CNTN5: variants seen among roughly 807,000 people sequenced by gnomAD.
The protein encoded by CNTN5 is contactin 5.
A neutral mutation model predicts 129.1 loss-of-function variants in CNTN5; 77 were observed. The observed-to-expected ratio is 0.60, with a 90% CI of 0.50 to 0.72. The LOEUF is 0.72. Among genes scored for constraint, CNTN5 ranks in the 30% least tolerant of loss-of-function variants. The pLI is 0.00. For missense variants in CNTN5, 1,478 were observed against 1,328.8 expected (o/e 1.11, Z -1.75); for synonymous variants, 509 against 465.6 (o/e 1.09, Z -1.20).
chr11:99,827,071 T>TTTTTG (rs1264231871), intron 4 of CNTN5, among the ~76,000 whole-genome samples: 1 of 152,112 alleles, frequency 6.6e-6, no homozygotes, highest in Non-Finnish European at 1.5e-5. Context: ...GGTTTTTTGC[T>TTTTTG]TTTTGTTTTG....
chr11:99,542,046 G>A (rs1948135700), intron 2 of CNTN5, among the ~76,000 whole-genome samples: 1 of 149,314 alleles, frequency 6.7e-6, no homozygotes, highest in East Asian at 2.0e-4. Context: ...TTATCTCTTT[G>A]TTTTTAATTG....
chr11:99,916,358 C>T (rs779276742), intron 7 of CNTN5, among the ~76,000 whole-genome samples: 3 of 152,024 alleles, frequency 2.0e-5, no homozygotes, highest in Non-Finnish European at 4.4e-5. Flanking sequence ...TGTTTTATTG[C>T]CATTCTAACT....
At chr11:99,347,645 G>C in intron 2 of CNTN5, among the ~76,000 whole-genome samples, 1 of 152,172 alleles carries the variant, frequency 6.6e-6, no homozygotes, top group East Asian at 1.9e-4. Flanking sequence ...GGGAGGTTAA[G>C]AATATGTGTA....
chr11:99,862,239 G>A (rs995299506), intron 6 of CNTN5, among the ~76,000 whole-genome samples: 1 of 152,038 alleles, frequency 6.6e-6, no homozygotes, highest in African/African-American at 2.4e-5. Flanking sequence ...CTAGCTAAGG[G>A]CAAATAAAAT....
intron 2 of CNTN5, among the ~76,000 whole-genome samples, chr11:99,402,664 ATGTT>A (rs1407717852): frequency 6.6e-6 from 1 of 152,118 alleles, no homozygotes; most frequent in African/African-American, 2.4e-5. Context: ...AGTTCTTTAA[ATGTT>A]TGGTAGAATT....
intron 3 of CNTN5, among the ~76,000 whole-genome samples, chr11:99,787,025 G>A (rs532789660): frequency 6.6e-6 from 1 of 152,024 alleles, no homozygotes; most frequent in East Asian, 1.9e-4. Flanking sequence ...TTATTGGCAA[G>A]TATGTTCGGA....
At chr11:100,273,145 G>A (rs1950437809) in intron 18 of CNTN5, among the ~76,000 whole-genome samples, 1 of 152,048 alleles carries the variant, frequency 6.6e-6, no homozygotes, top group Non-Finnish European at 1.5e-5. Context: ...CTGCTTGCAG[G>A]GCGCCCTCGG....
At chr11:100,132,191 A>G (rs556821668) in intron 13 of CNTN5, among the ~76,000 whole-genome samples, 3 of 152,246 alleles carry the variant, frequency 2.0e-5, no homozygotes, top group African/African-American at 7.2e-5. Context: ...GAACTCTTTG[A>G]GGGCCAAGGT....
At chr11:99,409,609 AGTG>A (rs1942297595) in intron 2 of CNTN5, among the ~76,000 whole-genome samples, 1 of 152,238 alleles carries the variant, frequency 6.6e-6, no homozygotes, top group Admixed American at 6.5e-5. Context: ...TTTGTTGAGA[AGTG>A]GTGATGATGA....
intron 2 of CNTN5, among the ~76,000 whole-genome samples, chr11:99,338,984 T>TAC (rs1316682623): frequency 3.7e-5 from 5 of 134,228 alleles, no homozygotes; most frequent in Admixed American, 7.4e-5. Context: ...TGTGTGTGTA[T>TAC]ATATATATAT....
intron 17 of CNTN5, among the ~76,000 whole-genome samples, chr11:100,270,860 T>C (rs946335862): frequency 6.6e-6 from 1 of 152,182 alleles, no homozygotes; most frequent in African/African-American, 2.4e-5. Flanking sequence ...TGTGTAAAGA[T>C]AAAATGAAAG....
intron 1 of CNTN5, among the ~76,000 whole-genome samples, chr11:99,204,319 TA>T (rs1296773429): frequency 6.6e-6 from 1 of 152,214 alleles, no homozygotes; most frequent in African/African-American, 2.4e-5. Context: ...GTCTGAGAAA[TA>T]CCCCAAATTA....
At chr11:100,299,453 AT>A in intron 20 of CNTN5, 57 bp downstream of exon 20, 1 of 1,112,280 alleles carries the variant, frequency 9.0e-7, no homozygotes, top group Non-Finnish European at 1.3e-6. Context: ...TATACAAATA[AT>A]CAGACACCTT....
At chr11:99,637,886 G>T (rs1951624120) in intron 3 of CNTN5, among the ~76,000 whole-genome samples, 1 of 152,004 alleles carries the variant, frequency 6.6e-6, no homozygotes, top group Non-Finnish European at 1.5e-5. Flanking sequence ...CAGCCTTTCA[G>T]CATTTCCTCT....
intron 2 of CNTN5, among the ~76,000 whole-genome samples, chr11:99,474,582 T>C (rs559477439): frequency 6.6e-6 from 1 of 152,224 alleles, no homozygotes; most frequent in Admixed American, 6.5e-5. Context: ...AACAGAATAA[T>C]CAAGATTGAA....
intron 1 of CNTN5, among the ~76,000 whole-genome samples, chr11:99,292,268 TA>T (rs1864202367): frequency 6.8e-6 from 1 of 146,430 alleles, no homozygotes; most frequent in South Asian, 2.1e-4. Context: ...AAAAAACACA[TA>T]AAAAACTTCC....
At chr11:100,003,912 TATG>T (rs751284843) in intron 9 of CNTN5, 9 of 152,184 alleles carry the variant, frequency 5.9e-5, no homozygotes, top group Admixed American at 4.6e-4. Flanking sequence ...AGAAACATCT[TATG>T]AAGATGTCTA....
chr11:99,850,381 T>A (rs1278280153), intron 6 of CNTN5, among the ~76,000 whole-genome samples: 2 of 152,140 alleles, frequency 1.3e-5, no homozygotes, highest in Non-Finnish European at 2.9e-5. Flanking sequence ...CAGAAAATGA[T>A]GACAAGGAAC....
At chr11:100,074,422 G>A (rs1402822124) in intron 13 of CNTN5, 128 bp downstream of exon 13, 1 of 847,594 alleles carries the variant, frequency 1.2e-6, no homozygotes, top group East Asian at 2.8e-5. Flanking sequence ...ATTGAAACAT[G>A]GTTTTGCCTA....
Sources: allele counts gnomAD v4.1 joint callset (sites outside exome capture counted in the v4.1 genomes callset), GRCh38; gene constraint gnomAD v4.1.1; transcripts MANE v1.5; gene names NCBI Gene and HGNC (gene_info 2026-07-23, HGNC 2026-07-21).